The following POU2F1 variants were observed in gnomAD, a reference collection of about 807,000 sequenced individuals.
The protein encoded by POU2F1 is POU class 2 homeobox 1, also known as POU domain, class 2, transcription factor 1.
In POU2F1, 16 loss-of-function variants were observed where a neutral mutation model predicts 84.9. That is an observed-to-expected ratio of 0.19 (90% CI 0.13 to 0.29). The LOEUF (loss-of-function observed/expected upper bound fraction) is 0.29, where lower values mean the gene tolerates loss of function less well. Among genes scored for constraint, POU2F1 ranks in the 10% least tolerant of loss-of-function variants. POU2F1 has a pLI of 1.00. For missense variants in POU2F1, 738 were observed against 942.6 expected, an observed-to-expected ratio of 0.78 and a Z score of 2.84; for synonymous variants, 368 against 368.3, an observed-to-expected ratio of 1.00 and a Z score of 0.01.
intron 9 of POU2F1, among the ~76,000 whole-genome samples, chr1:167,391,703 G>T (rs962406410): frequency 2.7e-5 from 4 of 150,572 alleles, no homozygotes; most frequent in Admixed American, 6.7e-5. Flanking sequence ...CTGAGTAGCT[G>T]GGACTCAGGC....
At chr1:167,254,571 C>T (rs962140422) in intron 1 of POU2F1, among the ~76,000 whole-genome samples, 5 of 152,152 alleles carry the variant, frequency 3.3e-5, no homozygotes, top group African/African-American at 9.6e-5. Flanking sequence ...TAATTTTACT[C>T]ATTGTTAACA....
chr1:167,377,119 GA>G (rs1254341659), intron 7 of POU2F1, among the ~76,000 whole-genome samples: 3 of 152,200 alleles, frequency 2.0e-5, no homozygotes, highest in Non-Finnish European at 4.4e-5. Context: ...CTGTGTTTGA[GA>G]ACTATAAGTA....
At chr1:167,395,964 T>C (rs1181852955) in intron 9 of POU2F1, among the ~76,000 whole-genome samples, 2 of 152,248 alleles carry the variant, frequency 1.3e-5, no homozygotes, top group African/African-American at 4.8e-5. Flanking sequence ...ATTAAGGGGC[T>C]TGTTAGAATA....
At chr1:167,348,799 C>T (rs763879660) in intron 2 of POU2F1, among the ~76,000 whole-genome samples, 1 of 152,200 alleles carries the variant, frequency 6.6e-6, no homozygotes, top group Non-Finnish European at 1.5e-5. Flanking sequence ...ATCTCTCCTA[C>T]ATCTTAGCCA....
At chr1:167,415,369 A>C in intron 15 of POU2F1, 131 bp from the exon 16 acceptor site, 1 of 993,240 alleles carries the variant, frequency 1.0e-6, no homozygotes, top group Non-Finnish European at 1.5e-6. Flanking sequence ...GAGGAAAAAA[A>C]TTCAGTGAAG....
At chr1:167,274,162 C>T (rs1272155446) in intron 1 of POU2F1, among the ~76,000 whole-genome samples, 1 of 152,180 alleles carries the variant, frequency 6.6e-6, no homozygotes, top group African/African-American at 2.4e-5. Flanking sequence ...AAGAAGGTTA[C>T]TCTATGCAGA....
intron 1 of POU2F1, among the ~76,000 whole-genome samples, chr1:167,285,155 T>G (rs1371942561): frequency 2.0e-5 from 3 of 152,222 alleles, no homozygotes; most frequent in African/African-American, 7.2e-5. Context: ...TGAATCTTCT[T>G]TCCTCATCTG....
At chr1:167,364,664 A>C (rs1182923007) in intron 2 of POU2F1, among the ~76,000 whole-genome samples, 1 of 142,816 alleles carries the variant, frequency 7.0e-6, no homozygotes, top group Non-Finnish European at 1.5e-5. Flanking sequence ...TGCAACCTCC[A>C]CCTCCTGGGC....
chr1:167,375,997 C>T (rs372502977), intron 6 of POU2F1, 32 bp from the exon 7 acceptor site: 10 of 1,612,792 alleles, frequency 6.2e-6, no homozygotes, highest in Non-Finnish European at 8.5e-6. Flanking sequence ...ATTTCAGAAT[C>T]TCCAATCCAT....
chr1:167,396,558 A>C, intron 10 of POU2F1, 131 bp downstream of exon 10: 1 of 853,272 alleles, frequency 1.2e-6, no homozygotes, highest in Non-Finnish European at 1.8e-6. Context: ...TAATCCTGGG[A>C]GGATCATTAT....
intron 1 of POU2F1, among the ~76,000 whole-genome samples, chr1:167,251,289 T>C (rs902973755): frequency 1.3e-5 from 2 of 152,052 alleles, no homozygotes; most frequent in African/African-American, 2.4e-5. Flanking sequence ...GTCCCAGCTA[T>C]TCAGGAGGCT....
chr1:167,384,858 A>G (rs763671963), intron 8 of POU2F1, among the ~76,000 whole-genome samples: 2 of 152,152 alleles, frequency 1.3e-5, no homozygotes, highest in Non-Finnish European at 2.9e-5. Context: ...ATGCAATAAG[A>G]CAATAAAATA....
chr1:167,234,735 TAAAAC>T (rs1293114194), intron 1 of POU2F1, among the ~76,000 whole-genome samples: 3 of 152,174 alleles, frequency 2.0e-5, no homozygotes, highest in African/African-American at 7.2e-5. Context: ...CCATGTCTGT[TAAAAC>T]AAATATATAT....
At chr1:167,254,259 T>A (rs550040578) in intron 1 of POU2F1, among the ~76,000 whole-genome samples, 13 of 152,182 alleles carry the variant, frequency 8.5e-5, no homozygotes, top group Non-Finnish European at 1.6e-4. Context: ...TATAAAACAT[T>A]TGGGAGTCTC....
chr1:167,374,843 G>A lies in POU2F1; in HGVS notation c.591+547G>A, dbSNP rs539228693. ...AGCACTTTGGGAGGCCGAGGCGGGC[G>A]GATCACTAGGTCAGGAGTTCGAGAC... On this transcript the variant is annotated intron_variant, in intron 6 of 15. Coordinates refer to ENST00000367866, the MANE Select transcript of POU2F1 (RefSeq NM_002697.4). Among the ~76,000 whole-genome samples the A allele has an allele frequency of 6.7e-4, 102 of 152,204 alleles. 1 individual carries two copies. The highest frequency in any genetic ancestry group is 2.2e-3 in the African/African-American group (93 of 41,550).
intron 2 of POU2F1, among the ~76,000 whole-genome samples, chr1:167,344,005 G>T (rs1161609666): frequency 6.6e-6 from 1 of 151,992 alleles, no homozygotes; most frequent in Non-Finnish European, 1.5e-5. Context: ...TGAAAGGGCT[G>T]GTAGAGGAAG....
intron 9 of POU2F1, among the ~76,000 whole-genome samples, chr1:167,391,559 C>CTTTTTTTTTTTT (rs1175783404): frequency 3.5e-5 from 2 of 57,894 alleles, no homozygotes; most frequent in African/African-American, 7.2e-5. Context: ...TTATATATAT[C>CTTTTTTTTTTTT]TTTTTTTTTT....
intron 1 of POU2F1, among the ~76,000 whole-genome samples, chr1:167,266,901 C>T (rs760760181): frequency 6.6e-6 from 1 of 151,950 alleles, no homozygotes; most frequent in Non-Finnish European, 1.5e-5. Context: ...GGATTACCGG[C>T]GTGAGACACC....
At position 167,398,128 on chromosome 1, in the gene POU2F1, T is replaced by G. The variant is rs765718905; in HGVS notation, c.1264T>G (p.Leu422Val). ...CCGTGTGGCCTTAGAGAAGAGTTTC[T>G]TGGAGGTCAGTGAGGATTTTACTTT... Reference protein sequence around the residue: ...NIRVALEKSFLENQKPTSEEI... With the variant: ...NIRVALEKSFVENQKPTSEEI... The change falls in exon 11 of 16, where the codon TTG becomes GTG. Residue 422 changes from leucine (L) to valine (V), a missense_variant. Transcript: ENST00000367866. 4 of 1,613,780 alleles carry G rather than the reference T, an allele frequency of 2.5e-6. No individual in the cohort carries two copies. The highest frequency in any genetic ancestry group is 1.7e-5 in the Admixed American group (1 of 59,932).
Sources: allele counts gnomAD v4.1 joint callset (sites outside exome capture counted in the v4.1 genomes callset), GRCh38; gene constraint gnomAD v4.1.1; transcripts MANE v1.5; gene names NCBI Gene and HGNC (gene_info 2026-07-23, HGNC 2026-07-21).